Variants in DENND2B observed in about 807,000 individuals in gnomAD.
The protein encoded by DENND2B is DENN domain-containing protein 2B.
A neutral mutation model predicts 116.0 loss-of-function variants in DENND2B; 32 were observed. That is an observed-to-expected ratio of 0.28 (90% confidence interval 0.21 to 0.37). DENND2B has a LOEUF of 0.37. DENND2B is among the 10% of genes least tolerant of loss of function. The pLI, the probability that DENND2B is intolerant of heterozygous loss-of-function variation, is 1.00. For synonymous variants in DENND2B, 588 were observed against 583.9 expected (o/e 1.01, Z -0.10); for missense variants, 1,276 against 1,477.7 (o/e 0.86, Z 2.24).
chr11:8,834,149 G>A (rs747998126), intron 4 of DENND2B, among the ~76,000 whole-genome samples: 2 of 152,200 alleles, frequency 1.3e-5, no homozygotes, highest in Non-Finnish European at 2.9e-5. Context: ...ATCTGGATAA[G>A]CTTTCCCACC....
Position 8,896,986 on chromosome 11 carries a change from C to A in DENND2B, c.-256+13835G>T, listed in dbSNP as rs566979359. The stretch of plus-strand genomic sequence containing the variant: ...GGCTCGGTGGCTCATGCCTTGTAAT[C>A]CCAGCACTTTGGGAGGCCAAGGCGG... On this transcript the variant is annotated intron_variant, in intron 1 of 22. Coordinates refer to the DENND2B transcript ENST00000534127. Among the ~76,000 whole-genome samples the A allele has an allele frequency of 3.9e-5, 6 of 152,262 alleles. No homozygotes were observed. In the South Asian group the frequency reaches 8.3e-4, roughly 21 times the overall value.
intron 1 of DENND2B, among the ~76,000 whole-genome samples, chr11:8,766,067 G>A (rs1413533336): frequency 2.0e-5 from 3 of 151,754 alleles, no homozygotes; most frequent in Non-Finnish European, 4.4e-5. Flanking sequence ...GAAAACTTAG[G>A]TATTTATTTT....
chr11:8,804,626 C>G (rs921619534), intron 1 of DENND2B, among the ~76,000 whole-genome samples: 1 of 146,368 alleles, frequency 6.8e-6, no homozygotes, highest in African/African-American at 2.5e-5. Context: ...CTCACTGCAA[C>G]CTCCGCCTCC....
intron 2 of DENND2B, among the ~76,000 whole-genome samples, chr11:8,858,577 G>C (rs967602197): frequency 9.2e-5 from 14 of 152,122 alleles, no homozygotes; most frequent in Admixed American, 5.2e-4. Flanking sequence ...GGGAGAGCTG[G>C]GGCTTAGACC....
At chr11:8,895,166 G>A (rs1482957760) in intron 1 of DENND2B, among the ~76,000 whole-genome samples, 8 of 151,668 alleles carry the variant, frequency 5.3e-5, no homozygotes, top group Admixed American at 3.3e-4. Flanking sequence ...ACCAAACACC[G>A]CATGTTCTCA....
rs1329108639 is a variant in DENND2B, at chr11:8,719,136, A to C, written c.1478-1244T>G. ...ACTCAGACCCCACTCCTCAGGAAGC[A>C]GGCAGAAGAAGGAGCTGGAGGACGA... is the stretch of plus-strand genomic sequence containing the variant. On this transcript the variant is annotated intron_variant, in intron 4 of 19. Transcript: ENST00000313726. The C allele has an allele frequency of 3.0e-6, 3 of 985,556 alleles. 1 individual carries two copies. In the African/African-American group the frequency reaches 5.2e-5, roughly 17 times the overall value. 61.1% of individuals were successfully genotyped at this position (985,556 alleles called of 1,614,324 possible).
At chr11:8,868,563 T>C (rs964612241) in intron 2 of DENND2B, among the ~76,000 whole-genome samples, 4 of 152,220 alleles carry the variant, frequency 2.6e-5, no homozygotes, top group Non-Finnish European at 5.9e-5. Flanking sequence ...ACCACTTGTG[T>C]CATCCCAAGC....
intron 2 of DENND2B, among the ~76,000 whole-genome samples, chr11:8,857,925 T>C (rs927656538): frequency 2.6e-5 from 4 of 152,112 alleles, no homozygotes; most frequent in Non-Finnish European, 4.4e-5. Context: ...AAATCCAATC[T>C]CTCCTTCAAA....
intron 1 of DENND2B, among the ~76,000 whole-genome samples, chr11:8,902,195 A>T (rs150943697): frequency 0.023 from 3,525 of 152,070 alleles, 49 homozygotes; most frequent in Middle Eastern, 0.034. Context: ...GTGTGGTGGC[A>T]CGCGCCTGTA....
upstream of DENND2B, among the ~76,000 whole-genome samples, chr11:8,811,907 A>C (rs1326240199): frequency 6.6e-6 from 1 of 151,662 alleles, no homozygotes; most frequent in Non-Finnish European, 1.5e-5. Flanking sequence ...CTACTTTTTT[A>C]ATTTTTATTT....
chr11:8,791,904 A>C (rs750885406), intron 1 of DENND2B, among the ~76,000 whole-genome samples: 1 of 152,244 alleles, frequency 6.6e-6, no homozygotes, highest in Non-Finnish European at 1.5e-5. Flanking sequence ...AGGTTTTCTT[A>C]TCAACAAAAT....
chr11:8,871,770 G>T (rs565040071), upstream of DENND2B, among the ~76,000 whole-genome samples: 2 of 152,148 alleles, frequency 1.3e-5, no homozygotes, highest in Non-Finnish European at 2.9e-5. Flanking sequence ...AGAAAAGGGT[G>T]CCATTTAATA....
chr11:8,813,742 C>A (rs116951684), upstream of DENND2B, among the ~76,000 whole-genome samples: 768 of 152,202 alleles, frequency 5.0e-3, 2 homozygotes, highest in Non-Finnish European at 8.8e-3. Flanking sequence ...CAAACCAGAC[C>A]CAGAATGCGG....
chr11:8,897,339 C>G (rs1235136720), intron 1 of DENND2B, among the ~76,000 whole-genome samples: 2 of 152,014 alleles, frequency 1.3e-5, no homozygotes, highest in African/African-American at 4.8e-5. Context: ...ACTATTGAAC[C>G]TTGGTAAGAA....
chr11:8,780,382 TAGA>T (rs1420229422), intron 1 of DENND2B, among the ~76,000 whole-genome samples: 7 of 152,188 alleles, frequency 4.6e-5, no homozygotes, highest in Non-Finnish European at 1.0e-4. Context: ...GAAGCTTAGG[TAGA>T]AGGAGATTAC....
Position 8,702,779 on chromosome 11 carries a change from C to G in DENND2B, c.2572-59G>C, listed in dbSNP as rs2041942978. The stretch of plus-strand genomic sequence containing the variant: ...CAGCCAAGTGGGTGCTGCCCTCTGG[C>G]CCTCCACGAAGCAACTGGAGCTGCT... On this transcript the variant is annotated intron_variant, in intron 13 of 19. Transcript: ENST00000313726. The surrounding 1 kb of genome is among the most constrained non-coding windows in gnomAD (Gnocchi z 4.6). The G allele has an allele frequency of 6.4e-7, 1 of 1,568,030 alleles. No individual in the cohort carries two copies. Among genetic ancestry groups the G allele is most frequent in the Non-Finnish European group, 8.6e-7 (1 of 1,161,194 alleles).
At chr11:8,729,838 G>A in intron 3 of DENND2B, 112 bp downstream of exon 3, 1 of 1,381,708 alleles carries the variant, frequency 7.2e-7, no homozygotes, top group Non-Finnish European at 9.9e-7. Context: ...CAGCACTTCA[G>A]AGCTTACGAA....
At chr11:8,907,728 C>G (rs1452026158) in intron 1 of DENND2B, among the ~76,000 whole-genome samples, 1 of 151,954 alleles carries the variant, frequency 6.6e-6, no homozygotes, top group African/African-American at 2.4e-5. Flanking sequence ...TAGGTTCTTA[C>G]TCTGTTGCCC....
At chr11:8,774,850 T>TC (rs956065553) in intron 1 of DENND2B, among the ~76,000 whole-genome samples, 29 of 151,394 alleles carry the variant, frequency 1.9e-4, no homozygotes, top group South Asian at 2.1e-4. Context: ...ATCTAGGTCT[T>TC]CTTATTTTTT....
Sources: allele counts gnomAD v4.1 joint callset (sites outside exome capture counted in the v4.1 genomes callset), GRCh38; gene constraint gnomAD v4.1.1; non-coding constraint Gnocchi (gnomAD v3.1); transcripts MANE v1.5; gene names NCBI Gene and HGNC (gene_info 2026-07-23, HGNC 2026-07-21).